The following STARD7 variants were observed in gnomAD, a reference collection of about 807,000 sequenced individuals.
STARD7 encodes the protein stAR-related lipid transfer protein 7, mitochondrial.
Under a neutral mutation model 45.3 loss-of-function variants are expected in STARD7, and 30 were observed. That is an observed-to-expected ratio of 0.66 (90% CI 0.50 to 0.90). The LOEUF (loss-of-function observed/expected upper bound fraction) is 0.90, where lower values mean the gene tolerates loss of function less well. Ranked by LOEUF, STARD7 falls within the 40% of genes least tolerant of loss-of-function variation. The pLI is 0.00. For synonymous variants in STARD7, 199 were observed against 183.0 expected (o/e 1.09, Z -0.70); for missense variants, 495 against 491.3 (o/e 1.01, Z -0.07).
At position 96,195,331 on chromosome 2, in the gene STARD7, C is replaced by G; in HGVS notation, c.499+10G>C. On this transcript the variant is annotated intron_variant, in intron 2 of 7. Coordinates refer to ENST00000337288, the MANE Select transcript of STARD7 (RefSeq NM_020151.4). ...CTATGGAACCCAAAAGATAGCCACACTGGGCTCACCTCGGTACTGGTAAAG... is the reference window on the plus strand; with the variant it reads ...CTATGGAACCCAAAAGATAGCCACAGTGGGCTCACCTCGGTACTGGTAAAG... 1 of 1,558,052 alleles carries G rather than the reference C, an allele frequency of 6.4e-7. No homozygotes were observed. The highest frequency in any genetic ancestry group is 1.9e-5 in the Admixed American group (1 of 51,702).
At position 96,190,394 on chromosome 2, in the gene STARD7, G is replaced by A. The variant is rs181467986; in HGVS notation, c.843+1975C>T. ...TGTGTCGCCCACGCTGGGGTGCAGC[G>A]GCACGATCTTGGCTCACTGCAACCT... On this transcript the variant is annotated intron_variant, in intron 6 of 7. Transcript: ENST00000337288. Among the ~76,000 whole-genome samples the A allele has an allele frequency of 1.0e-3, 150 of 149,666 alleles. 4 individuals carry two copies. The East Asian group carries it at 0.019, about 19-fold the overall frequency.
chr2:96,197,100 A>ATAAAATAAAATAAAATAAAG (rs1683230534), intron 1 of STARD7, among the ~76,000 whole-genome samples: 9 of 139,880 alleles, frequency 6.4e-5, no homozygotes, highest in Non-Finnish European at 1.1e-4. Context: ...ATAAAATAAA[A>ATAAAATAAAATAAAATAAAG]TAAAATAAAA....
Position 96,187,288 on chromosome 2 carries a change from T to C in STARD7, c.857A>G (p.Tyr286Cys), listed in dbSNP as rs1201984076. 1 of 1,613,262 alleles carries C rather than the reference T, an allele frequency of 6.2e-7. No homozygotes were observed. Among genetic ancestry groups the C allele is most frequent in the Non-Finnish European group, 8.5e-7 (1 of 1,179,296 alleles). ...HKSFDENGFD[Y>C]LLTYSDNPQT... ...GGGATTGTCACTGTATGTTAGTAAGTAGTCAAAGCCATTCTGGAAAAGAAA... is the reference window on the plus strand; with the variant it reads ...GGGATTGTCACTGTATGTTAGTAAGCAGTCAAAGCCATTCTGGAAAAGAAA... Residue 286 changes from tyrosine to cysteine, a missense_variant, in exon 7 of 8, where the codon TAC becomes TGC. By Grantham distance (194) the Tyr-to-Cys change is radical. Transcript: ENST00000337288.
At chr2:96,190,731 T>A (rs762916074) in intron 6 of STARD7, among the ~76,000 whole-genome samples, 14 of 152,034 alleles carry the variant, frequency 9.2e-5, no homozygotes, top group Non-Finnish European at 1.8e-4. Context: ...AGCCTTGACC[T>A]CCTGGACTCA....
rs1308454357 is a variant in STARD7, at chr2:96,208,384, C to G, written c.51G>C (p.Gly17=). 6.7e-7 allele frequency: 1 copy of G among 1,487,136 alleles called. No homozygotes were observed. Among genetic ancestry groups the G allele is most frequent in the Non-Finnish European group, 8.9e-7 (1 of 1,128,828 alleles). 92.1% of individuals were successfully genotyped at this position (1,487,136 alleles called of 1,614,324 possible). A position where few individuals can be genotyped will look rare whatever the true frequency, so the allele number is the denominator to read the frequency against. Residue 17 remains glycine, a synonymous_variant, in exon 1 of 8, where the codon GGG becomes GGC. Transcript: ENST00000337288. ...GATTGGCCAGAAGCGCCAGCAGGCC[C>G]CCGCCCCGCGTCCCCGCCAGCCAGG... ...LAAWLAGTRG[G]GLLALLANQC...
intron 6 of STARD7, among the ~76,000 whole-genome samples, chr2:96,190,755 A>G (rs1457873382): frequency 6.6e-6 from 1 of 151,758 alleles, no homozygotes; most frequent in Non-Finnish European, 1.5e-5. Flanking sequence ...GATTCTCCCA[A>G]CCTCAGCTTC....
intron 6 of STARD7, among the ~76,000 whole-genome samples, chr2:96,191,097 CA>C (rs1341283188): frequency 2.6e-5 from 4 of 152,300 alleles, no homozygotes; most frequent in South Asian, 2.1e-4. Flanking sequence ...CCCAGGAAGT[CA>C]AGGCTGCAGT....
At chr2:96,206,056 G>C (rs1683383737) in intron 1 of STARD7, among the ~76,000 whole-genome samples, 1 of 152,152 alleles carries the variant, frequency 6.6e-6, no homozygotes, top group Non-Finnish European at 1.5e-5. Context: ...TGAGGAGTTG[G>C]AGTAGAACCA....
At chr2:96,197,092 A>AAAACAAAACAAAACAAAACAAAAC in intron 1 of STARD7, among the ~76,000 whole-genome samples, 1 of 143,722 alleles carries the variant, frequency 7.0e-6, no homozygotes. Context: ...AAAATAAAAT[A>AAAACAAAACAAAACAAAACAAAAC]AAATAAAATA....
intron 1 of STARD7, among the ~76,000 whole-genome samples, chr2:96,207,082 G>A (rs553384467): frequency 1.3e-5 from 2 of 152,314 alleles, no homozygotes; most frequent in African/African-American, 4.8e-5. Flanking sequence ...TTTCCTGCTA[G>A]GAAAAGTATT....
chr2:96,194,928 C>T (rs774318743), intron 3 of STARD7, 30 bp downstream of exon 3: 2 of 1,589,744 alleles, frequency 1.3e-6, no homozygotes, highest in Non-Finnish European at 8.6e-7. Context: ...TGCTAGGAGG[C>T]TCCAAATCTG....
chr2:96,190,273 G>T (rs1456671544), intron 6 of STARD7, among the ~76,000 whole-genome samples: 1 of 151,486 alleles, frequency 6.6e-6, no homozygotes, highest in African/African-American at 2.4e-5. Flanking sequence ...ACCAAAACTG[G>T]AATCAATTTG....
At chr2:96,195,074 T>C in intron 2 of STARD7, 67 bp from the exon 3 acceptor site, 1 of 1,408,634 alleles carries the variant, frequency 7.1e-7, no homozygotes, top group Non-Finnish European at 9.8e-7. Context: ...TTCTTTCACC[T>C]AGCGGCGTTT....
chr2:96,195,145 C>G (rs1363239498), intron 2 of STARD7, 138 bp from the exon 3 acceptor site: 3 of 867,138 alleles, frequency 3.5e-6, no homozygotes, highest in African/African-American at 1.7e-5. Flanking sequence ...CTTAGTAGAG[C>G]AACAAAGAAA....
intron 3 of STARD7, among the ~76,000 whole-genome samples, chr2:96,194,695 T>C (rs1378005887): frequency 6.6e-6 from 1 of 152,192 alleles, no homozygotes; most frequent in Non-Finnish European, 1.5e-5. Flanking sequence ...TAAAGCCTCA[T>C]AAAATACATT....
intron 3 of STARD7, among the ~76,000 whole-genome samples, chr2:96,193,725 C>T (rs755533599): frequency 6.6e-6 from 1 of 152,218 alleles, no homozygotes; most frequent in Non-Finnish European, 1.5e-5. Context: ...GTAGACACTT[C>T]ACACACAAAA....
In STARD7 at chr2:96,195,070, C is replaced by A; in HGVS notation, c.500-63G>T. ...CTCCAGTCACTCGCCTTGTTTCTTT[C>A]ACCTAGCGGCGTTTCAGATCTAAAG... On this transcript the variant is annotated intron_variant, in intron 2 of 7. Coordinates refer to ENST00000337288, the MANE Select transcript of STARD7 (RefSeq NM_020151.4). 4.2e-6 allele frequency: 6 copies of A among 1,433,562 alleles called. No individual in the cohort carries two copies. The Admixed American group carries it at 8.0e-5, about 19-fold the overall frequency. 88.8% of individuals were successfully genotyped at this position (1,433,562 alleles called of 1,614,324 possible).
chr2:96,192,239 A>G (rs554791999), intron 6 of STARD7, 130 bp downstream of exon 6: 2 of 748,934 alleles, frequency 2.7e-6, no homozygotes, highest in African/African-American at 1.7e-5. Flanking sequence ...TTCCCAGACC[A>G]GTAGCATCAG....
At chr2:96,205,266 C>T (rs1683370881) in intron 1 of STARD7, among the ~76,000 whole-genome samples, 1 of 152,180 alleles carries the variant, frequency 6.6e-6, no homozygotes, top group Non-Finnish European at 1.5e-5. Flanking sequence ...TAATAAGACG[C>T]TATTTGGTAA....
Sources: allele counts gnomAD v4.1 joint callset (sites outside exome capture counted in the v4.1 genomes callset), GRCh38; gene constraint gnomAD v4.1.1; transcripts MANE v1.5; gene names NCBI Gene and HGNC (gene_info 2026-07-23, HGNC 2026-07-21).